TNRC6B: variants seen among roughly 807,000 people sequenced by gnomAD.
TNRC6B encodes the protein trinucleotide repeat containing adaptor 6B, also known as trinucleotide repeat-containing gene 6B protein.
A neutral mutation model predicts 203.6 loss-of-function variants in TNRC6B; 52 were observed. That is an observed-to-expected ratio of 0.26 (90% CI 0.20 to 0.32). The LOEUF is 0.32. Among genes scored for constraint, TNRC6B ranks in the 10% least tolerant of loss-of-function variants. TNRC6B has a pLI of 1.00. For synonymous variants in TNRC6B, 838 were observed against 845.7 expected (o/e 0.99, Z 0.16); for missense variants, 1,923 against 2,286.2 (o/e 0.84, Z 3.24).
intron 1 of TNRC6B, among the ~76,000 whole-genome samples, chr22:40,202,249 GTTGTTTTT>G (rs1037729242): frequency 1.4e-5 from 2 of 142,196 alleles, no homozygotes; most frequent in Non-Finnish European, 3.1e-5. Flanking sequence ...ATGTGTTGTT[GTTGTTTTT>G]TTGTTTTTTT....
chr22:40,187,275 G>A (rs1417277095), intron 1 of TNRC6B, among the ~76,000 whole-genome samples: 1 of 152,156 alleles, frequency 6.6e-6, no homozygotes, highest in African/African-American at 2.4e-5. Flanking sequence ...CACAGGATTA[G>A]TGTTTCTTAG....
At position 40,251,184 on chromosome 22, in the gene TNRC6B, G is replaced by T; in HGVS notation, c.99G>T (p.Thr33=). 6.5e-7 allele frequency: 1 copy of T among 1,533,242 alleles called. No individual in the cohort carries two copies. The highest frequency in any genetic ancestry group is 2.5e-5 in the East Asian group (1 of 40,592). The allele number at this position is 1,533,242 out of a possible 1,614,324, so 95.0% of individuals were successfully genotyped here. ...KKKKEATQKV[T]EQKTKVPEVT... ...TTTATCTGTTTATTTTGCAGGTCAC[G>T]GAACAAAAAACCAAAGGTAAGATCT... is the stretch of plus-strand genomic sequence containing the variant. Residue 33 remains threonine (T), a synonymous_variant, in exon 3 of 23, where the codon ACG becomes ACT. Transcript: ENST00000454349.
intron 1 of TNRC6B, among the ~76,000 whole-genome samples, chr22:40,076,116 G>T (rs1356958799): frequency 2.6e-5 from 4 of 151,998 alleles, no homozygotes; most frequent in Non-Finnish European, 2.9e-5. Flanking sequence ...ACCGTTTTTT[G>T]TACTAAAGAT....
chr22:40,282,721 A>G (rs150058418), intron 11 of TNRC6B, among the ~76,000 whole-genome samples: 20 of 152,310 alleles, frequency 1.3e-4, no homozygotes, highest in African/African-American at 4.6e-4. Context: ...GTTTGTGGAC[A>G]TATTCTATCT....
intron 12 of TNRC6B, among the ~76,000 whole-genome samples, chr22:40,290,054 G>C (rs920071757): frequency 6.6e-6 from 1 of 152,192 alleles, no homozygotes; most frequent in African/African-American, 2.4e-5. Flanking sequence ...CGCCGTTTCT[G>C]TCTAGGTTAT....
At chr22:40,054,498 G>A (rs1351224496) in intron 1 of TNRC6B, among the ~76,000 whole-genome samples, 1 of 152,134 alleles carries the variant, frequency 6.6e-6, no homozygotes, top group East Asian at 1.9e-4. Context: ...TGAGCTCAGT[G>A]TGTGTGTCTC....
At chr22:40,259,954 A>G (rs957646882) in intron 3 of TNRC6B, among the ~76,000 whole-genome samples, 2 of 151,990 alleles carry the variant, frequency 1.3e-5, no homozygotes, top group Non-Finnish European at 2.9e-5. Context: ...GTAGATTTTT[A>G]TGGAGAGGGT....
intron 3 of TNRC6B, among the ~76,000 whole-genome samples, chr22:40,133,003 C>T (rs1390643004): frequency 2.4e-5 from 3 of 124,910 alleles, no homozygotes; most frequent in Admixed American, 9.1e-5. Context: ...CTGTAAAATC[C>T]GGAGGCACAG....
chr22:40,267,160 T>C, intron 5 of TNRC6B, 124 bp downstream of exon 5: 1 of 1,009,594 alleles, frequency 9.9e-7, no homozygotes, highest in Non-Finnish European at 1.4e-6. Context: ...GTTTCTACTC[T>C]GTTGCTAACA....
At chr22:40,187,960 C>T (rs1262275652) in intron 1 of TNRC6B, among the ~76,000 whole-genome samples, 2 of 152,306 alleles carry the variant, frequency 1.3e-5, no homozygotes, top group East Asian at 3.9e-4. Context: ...TGGCTCACGC[C>T]TGTAGTCCCA....
chr22:40,237,062 G>A (rs973016807), intron 1 of TNRC6B, among the ~76,000 whole-genome samples: 5 of 152,200 alleles, frequency 3.3e-5, no homozygotes, highest in Non-Finnish European at 5.9e-5. Context: ...CTACTCGGGA[G>A]GCTGAGACAG....
chr22:40,315,400 C>G lies in TNRC6B; in HGVS notation c.4796C>G (p.Pro1599Arg). 6.2e-7 allele frequency: 1 copy of G among 1,614,010 alleles called. No individual in the cohort carries two copies. Among genetic ancestry groups the G allele is most frequent in the Non-Finnish European group, 8.5e-7 (1 of 1,179,900 alleles). The change falls in exon 20 of 23, where the codon CCC (proline) becomes CGC (arginine). Residue 1599 changes from proline (P) to arginine (R), a missense_variant. Pro to Arg is a moderately radical substitution (Grantham distance 103). This residue lies in a region of TNRC6B where 159 missense variants were observed against 181.0 expected (regional missense o/e 0.88). Coordinates refer to ENST00000454349, the MANE Select transcript of TNRC6B (RefSeq NM_001162501.2). The stretch of plus-strand genomic sequence containing the variant: ...TCCTCCAGGAACACTACACCGCTGC[C>G]CCGCCCACCTCCTGGTCTGACCAAC... Reference protein sequence around the residue: ...HISSRNTTPLPRPPPGLTNPK... With the variant: ...HISSRNTTPLRRPPPGLTNPK...
intron 1 of TNRC6B, among the ~76,000 whole-genome samples, chr22:40,197,373 C>G (rs1326500053): frequency 6.6e-6 from 1 of 151,992 alleles, no homozygotes; most frequent in Admixed American, 6.6e-5. Context: ...CAACCTCCAC[C>G]TCCCGGGTTC....
At chr22:40,239,701 G>A (rs2070000965) in intron 1 of TNRC6B, among the ~76,000 whole-genome samples, 1 of 152,196 alleles carries the variant, frequency 6.6e-6, no homozygotes, top group South Asian at 2.1e-4. Flanking sequence ...CCATTGGAGG[G>A]TTCAGTTCTG....
At chr22:40,152,428 G>A (rs1213999658) in intron 3 of TNRC6B, among the ~76,000 whole-genome samples, 1 of 152,200 alleles carries the variant, frequency 6.6e-6, no homozygotes, top group African/African-American at 2.4e-5. Flanking sequence ...CCGGGTTCAT[G>A]CCATTCTTCT....
At chr22:40,069,582 G>A (rs1321820703) in intron 1 of TNRC6B, among the ~76,000 whole-genome samples, 8 of 151,174 alleles carry the variant, frequency 5.3e-5, no homozygotes, top group Admixed American at 5.3e-4. Context: ...CCGCCTCCTA[G>A]GTTCAGGCGA....
rs2070136262 is a variant in TNRC6B, at chr22:40,248,225, G to C, written c.93+2123G>C. Reference sequence around the variant, plus strand: ...TTGTAGCATTGCCCCTGTGGTTTCTGGGTTCTTGTCGCCGTGCCTCGCACA... The same window carrying C: ...TTGTAGCATTGCCCCTGTGGTTTCTCGGTTCTTGTCGCCGTGCCTCGCACA... On this transcript the variant is annotated intron_variant, in intron 2 of 22. Transcript: ENST00000454349. 2.0e-5 allele frequency among the ~76,000 whole-genome samples: 3 copies of C among 152,306 alleles called. No homozygotes were observed. The South Asian group carries it at 6.2e-4, about 32-fold the overall frequency.
chr22:40,264,581 T>C, intron 4 of TNRC6B, 107 bp from the exon 5 acceptor site: 9 of 1,232,474 alleles, frequency 7.3e-6, no homozygotes, highest in Non-Finnish European at 9.8e-6. Flanking sequence ...GAAACTGGCA[T>C]GTGATCAGCT....
At chr22:40,067,424 A>G (rs2067904497) in intron 1 of TNRC6B, among the ~76,000 whole-genome samples, 1 of 152,110 alleles carries the variant, frequency 6.6e-6, no homozygotes, top group Non-Finnish European at 1.5e-5. Context: ...AACCAACAGA[A>G]TATATATTTG....
Sources: gnomAD v4.1 joint callset for allele counts (sites outside exome capture counted in the v4.1 genomes callset) on GRCh38, gnomAD v4.1.1 for gene constraint, gnomAD v4.1.1 regional missense constraint, MANE v1.5 for transcripts, NCBI Gene and HGNC (gene_info 2026-07-23, HGNC 2026-07-21) for gene names.